BTBD3: variants seen among roughly 807,000 people sequenced by gnomAD.
BTBD3 encodes BTB domain containing 3, also known as BTB/POZ domain-containing protein 3.
In BTBD3, 14 loss-of-function variants were observed where a neutral mutation model predicts 41.6. That is an observed-to-expected ratio of 0.34 (90% confidence interval 0.22 to 0.53). BTBD3 has a LOEUF of 0.53. Ranked by LOEUF, BTBD3 falls within the 20% of genes least tolerant of loss-of-function variation. The pLI is 0.95. For synonymous variants in BTBD3, 249 were observed against 233.7 expected, an observed-to-expected ratio of 1.07 and a Z score of -0.60; for missense variants, 426 against 654.7, an observed-to-expected ratio of 0.65 and a Z score of 3.81.
At chr20:11,913,662 C>T (rs1392302222), upstream of BTBD3, 1 of 152,184 alleles carries the variant, frequency 6.6e-6, no homozygotes, top group Non-Finnish European at 1.5e-5. Flanking sequence ...ATACTTCTGA[C>T]ACCAGTTGCC....
intron 1 of BTBD3, among the ~76,000 whole-genome samples, chr20:11,891,710 G>C (rs1016589406): frequency 4.6e-5 from 7 of 152,194 alleles, no homozygotes; most frequent in African/African-American, 1.7e-4. Context: ...CCTTTTCAAA[G>C]AAAGTATTGT....
At position 11,924,794 on chromosome 20, in the gene BTBD3, G is replaced by A. The variant is rs2057005111; in HGVS notation, c.*1128G>A. 1 of 152,490 alleles carries A rather than the reference G, an allele frequency of 6.6e-6. No individual in the cohort carries two copies. Among genetic ancestry groups the A allele is most frequent in the South Asian group, 2.1e-4 (1 of 4,826 alleles). The allele number at this position is 152,490 out of a possible 1,614,324, so 9.4% of individuals were successfully genotyped here. A position where few individuals can be genotyped will look rare whatever the true frequency, so the allele number is the denominator to read the frequency against. ...TAATTTTAATTTTGTCCTGTTCCTA[G>A]ACTGCTAGAATCTGGCCCCTGGCCA... On this transcript the variant is annotated 3_prime_UTR_variant, in exon 4 of 4. Coordinates refer to ENST00000378226, the MANE Select transcript of BTBD3 (RefSeq NM_014962.4).
In BTBD3 at chr20:11,926,473, C is replaced by A. The variant is rs895758561; in HGVS notation, c.*2807C>A. ...AGCATTATTTATGAAGGAAAAAATA[C>A]ATAAATATGAAGTACCTCATGTTGA... is the stretch of plus-strand genomic sequence containing the variant. On this transcript the variant is annotated 3_prime_UTR_variant, in exon 4 of 4. Transcript: ENST00000378226. The A allele has an allele frequency of 3.3e-5, 5 of 152,562 alleles. No individual in the cohort carries two copies. The highest frequency in any genetic ancestry group is 3.3e-4 in the Admixed American group (5 of 15,278). The allele number at this position is 152,562 out of a possible 1,614,324, so 9.5% of individuals were successfully genotyped here.
intron 1 of BTBD3, among the ~76,000 whole-genome samples, chr20:11,902,923 A>G (rs2056832334): frequency 1.3e-5 from 2 of 152,174 alleles, no homozygotes; most frequent in African/African-American, 4.8e-5. Flanking sequence ...CAATATATCT[A>G]GGCTGTGCAG....
chr20:11,918,494 C>G lies in BTBD3; in HGVS notation c.219C>G (p.Ala73=). ...ATATATTCCCCCGTAAAAAGCCAGC[C>G]AACTCCAGCAGCACCAGCGTCCAGC... ...AADIFPRKKP[A]NSSSTSVQQY... The change falls in exon 1 of 4, where the codon GCC becomes GCG. Residue 73 remains alanine (A), a synonymous_variant. Coordinates refer to ENST00000378226, the MANE Select transcript of BTBD3 (RefSeq NM_014962.4). 3.1e-6 allele frequency: 5 copies of G among 1,614,154 alleles called. No individual in the cohort carries two copies. The highest frequency in any genetic ancestry group is 4.2e-6 in the Non-Finnish European group (5 of 1,180,012).
chr20:11,894,206 G>A (rs1047986087), intron 1 of BTBD3, among the ~76,000 whole-genome samples: 4 of 152,354 alleles, frequency 2.6e-5, no homozygotes, highest in South Asian at 4.1e-4. Flanking sequence ...ACCAAATGAC[G>A]TAGGCTCAGT....
At chr20:11,900,289 A>G (rs1211915373) in intron 1 of BTBD3, among the ~76,000 whole-genome samples, 1 of 152,238 alleles carries the variant, frequency 6.6e-6, no homozygotes, top group Non-Finnish European at 1.5e-5. Flanking sequence ...CTAAATATTC[A>G]GTACTATTGG....
chr20:11,910,495 TATTTTCA>T (rs1217617593), intron 1 of BTBD3: 2 of 141,282 alleles, frequency 1.4e-5, no homozygotes, highest in East Asian at 4.0e-4. Context: ...TTGGATAGAC[TATTTTCA>T]AGTACCTAGT....
At chr20:11,911,822 A>G (rs557888642) in intron 1 of BTBD3, among the ~76,000 whole-genome samples, 1 of 152,270 alleles carries the variant, frequency 6.6e-6, no homozygotes, top group African/African-American at 2.4e-5. Context: ...CCTTTTCAAG[A>G]TCACTTAATG....
chr20:11,896,096 A>C (rs559523710), intron 1 of BTBD3, among the ~76,000 whole-genome samples: 4 of 152,220 alleles, frequency 2.6e-5, no homozygotes, highest in African/African-American at 4.8e-5. Flanking sequence ...GAACTAAAAA[A>C]ATACCGGATC....
At chr20:11,891,684 G>A (rs1379751606) in intron 1 of BTBD3, among the ~76,000 whole-genome samples, 1 of 152,178 alleles carries the variant, frequency 6.6e-6, no homozygotes, top group Non-Finnish European at 1.5e-5. Context: ...GGGAAGAAAA[G>A]GCTTTTACCT....
At chr20:11,904,306 A>G (rs745540704) in intron 1 of BTBD3, among the ~76,000 whole-genome samples, 5 of 152,186 alleles carry the variant, frequency 3.3e-5, no homozygotes, top group Admixed American at 6.5e-5. Flanking sequence ...GAGAGCAAGC[A>G]AAGGGGCAAG....
Position 11,922,786 on chromosome 20 carries a change from C to G in BTBD3, c.689C>G (p.Ser230Cys), listed in dbSNP as rs778264070. 1 of 1,614,206 alleles carries G rather than the reference C, an allele frequency of 6.2e-7. No individual in the cohort carries two copies. Among genetic ancestry groups the G allele is most frequent in the Non-Finnish European group, 8.5e-7 (1 of 1,180,048 alleles). ...LSAKNACVLL[S>C]QSCLFEEPDL... ...GCCAAGAATGCCTGTGTGCTCCTCT[C>G]CCAGAGCTGCCTGTTCGAGGAGCCA... Residue 230 changes from serine (S) to cysteine (C), a missense_variant, in exon 4 of 4, where the codon TCC (serine) becomes TGC (cysteine). This residue lies in a region of BTBD3 where 321 missense variants were observed against 534.8 expected (regional missense o/e 0.60). Transcript: ENST00000378226.
chr20:11,917,427 A>T (rs1356530595), upstream of BTBD3, among the ~76,000 whole-genome samples: 1 of 152,220 alleles, frequency 6.6e-6, no homozygotes, highest in Non-Finnish European at 1.5e-5. Flanking sequence ...AAAAGAGGCT[A>T]AGAAAAAGAA....
chr20:11,901,205 T>C (rs1013142164), intron 1 of BTBD3, among the ~76,000 whole-genome samples: 1 of 152,208 alleles, frequency 6.6e-6, no homozygotes, highest in Non-Finnish European at 1.5e-5. Flanking sequence ...TACAGGGAAC[T>C]GTTGGTAGCA....
At chr20:11,893,067 T>G (rs899526152) in intron 1 of BTBD3, among the ~76,000 whole-genome samples, 178 of 152,204 alleles carry the variant, frequency 1.2e-3, no homozygotes, top group Non-Finnish European at 2.0e-3. Context: ...GTTCATTTTT[T>G]TTTTTAATGC....
chr20:11,918,067 GGGGATATATTTAACAGACCCAGTACT>G lies in BTBD3; in HGVS notation c.-206_-181del, dbSNP rs2056930977. 1 of 1,313,404 alleles carries G rather than the reference GGGGATATATTTAACAGACCCAGTACT, an allele frequency of 7.6e-7. No homozygotes were observed. Among genetic ancestry groups the G allele is most frequent in the African/African-American group, 1.5e-5 (1 of 66,748 alleles). 81.4% of individuals were successfully genotyped at this position (1,313,404 alleles called of 1,614,324 possible). A position where few individuals can be genotyped will look rare whatever the true frequency, so the allele number is the denominator to read the frequency against. ...AAATAAGAGAAACAGGAATCATGATGGGGATATATTTAACAGACCCAGTACTGGATAAAACTTAAAGCCAGTTTCTA... is the reference window on the plus strand; with the variant it reads ...AAATAAGAGAAACAGGAATCATGATGGGATAAAACTTAAAGCCAGTTTCTA... On this transcript the variant is annotated 5_prime_UTR_variant, in exon 1 of 4. An upstream open reading frame in the 5' UTR gains an earlier in-frame stop. Coordinates refer to ENST00000378226, the MANE Select transcript of BTBD3 (RefSeq NM_014962.4).
chr20:11,902,888 T>A (rs1384638430), intron 1 of BTBD3, among the ~76,000 whole-genome samples: 1 of 152,172 alleles, frequency 6.6e-6, no homozygotes, highest in East Asian at 1.9e-4. Context: ...TACCCATTAA[T>A]GAAATACAAA....
At position 11,922,665 on chromosome 20, in the gene BTBD3, G is replaced by C; in HGVS notation, c.568G>C (p.Ala190Pro). The C allele has an allele frequency of 6.2e-7, 1 of 1,613,820 alleles. No homozygotes were observed. The highest frequency in any genetic ancestry group is 1.1e-5 in the South Asian group (1 of 90,994). ...YIYCDEIDLA[A>P]DTVLATLYAA... ...CTATTGTGATGAAATTGACTTGGCT[G>C]CTGACACAGTGCTGGCCACACTTTA... The change falls in exon 4 of 4, where the codon GCT (alanine) becomes CCT (proline). Residue 190 changes from alanine (A) to proline (P), a missense_variant. Transcript: ENST00000378226.
Sources: gnomAD v4.1 joint callset for allele counts (sites outside exome capture counted in the v4.1 genomes callset) on GRCh38, gnomAD v4.1.1 for gene constraint, gnomAD v4.1.1 regional missense constraint, MANE v1.5 for transcripts, NCBI Gene and HGNC (gene_info 2026-07-23, HGNC 2026-07-21) for gene names.